The following MFN2 variants were observed in gnomAD, a reference collection of about 807,000 sequenced individuals.
The protein encoded by MFN2 is mitofusin-2.
A neutral mutation model predicts 87.5 loss-of-function variants in MFN2; 43 were observed. The observed-to-expected ratio is 0.49, with a 90% confidence interval of 0.38 to 0.63. MFN2 has a LOEUF of 0.63. Among genes scored for constraint, MFN2 ranks in the 30% least tolerant of loss-of-function variants. The pLI, the probability that MFN2 is intolerant of heterozygous loss-of-function variation, is 0.00. For synonymous variants in MFN2, 337 were observed against 359.9 expected, an observed-to-expected ratio of 0.94 and a Z score of 0.72; for missense variants, 743 against 972.8, an observed-to-expected ratio of 0.76 and a Z score of 3.14.
At chr1:11,985,700 T>C (rs1638371109) in intron 2 of MFN2, among the ~76,000 whole-genome samples, 1 of 152,112 alleles carries the variant, frequency 6.6e-6, no homozygotes, top group Admixed American at 6.6e-5. Flanking sequence ...ACTCCTGACC[T>C]CAGGTGAGCT....
In MFN2 at chr1:11,989,356, C is replaced by T. The variant is rs1457407317; in HGVS notation, c.175+13C>T. The T allele has an allele frequency of 2.5e-6, 4 of 1,613,332 alleles. No individual in the cohort carries two copies. The highest frequency in any genetic ancestry group is 1.7e-6 in the Non-Finnish European group (2 of 1,179,780). Reference sequence around the variant, plus strand: ...ACCTTCCTTGAAGGTAAGGGGGCACCGGCTCAGCCAGGCCCGCTCTTACCT... The same window carrying T: ...ACCTTCCTTGAAGGTAAGGGGGCACTGGCTCAGCCAGGCCCGCTCTTACCT... On this transcript the variant is annotated intron_variant, in intron 3 of 18. Transcript: ENST00000235329.
chr1:12,009,045 C>T (rs552459014), intron 17 of MFN2, among the ~76,000 whole-genome samples: 5 of 152,332 alleles, frequency 3.3e-5, no homozygotes, highest in East Asian at 1.9e-4. Flanking sequence ...CAAAAAAATA[C>T]GAAAACCAGT....
intron 4 of MFN2, among the ~76,000 whole-genome samples, 189 bp from the exon 5 acceptor site, chr1:11,995,967 C>CAGA (rs1202191672): frequency 6.6e-6 from 1 of 152,154 alleles, no homozygotes; most frequent in Non-Finnish European, 1.5e-5. Context: ...AGGGGCATGT[C>CAGA]AGAGGTTTGG....
At chr1:11,984,148 A>G (rs1177662088) in intron 2 of MFN2, among the ~76,000 whole-genome samples, 1 of 152,140 alleles carries the variant, frequency 6.6e-6, no homozygotes, top group African/African-American at 2.4e-5. Flanking sequence ...TTGGTTTTAT[A>G]TCTCCTGGGC....
At chr1:11,988,351 C>T (rs951960719) in intron 2 of MFN2, among the ~76,000 whole-genome samples, 2 of 151,496 alleles carry the variant, frequency 1.3e-5, no homozygotes, top group Non-Finnish European at 2.9e-5. Context: ...GATCCACTTG[C>T]CTCAGCCTCC....
chr1:11,998,708 T>G (rs1167259943), intron 6 of MFN2, 62 bp from the exon 7 acceptor site: 10 of 1,485,294 alleles, frequency 6.7e-6, no homozygotes, highest in Non-Finnish European at 9.4e-6. Context: ...AGGTCTGTTC[T>G]CAGCAGGAAG....
intron 2 of MFN2, among the ~76,000 whole-genome samples, chr1:11,987,631 G>GAA (rs1178594729): frequency 1.5e-5 from 2 of 137,332 alleles, no homozygotes; most frequent in Non-Finnish European, 1.6e-5. Flanking sequence ...CTCTGTCTCA[G>GAA]AAAAAAAAAA....
Position 12,002,080 on chromosome 1 carries a change from G to A in MFN2, c.1137G>A (p.Leu379=). 2 of 1,614,240 alleles carry A rather than the reference G, an allele frequency of 1.2e-6. No homozygotes were observed. Among genetic ancestry groups the A allele is most frequent in the Non-Finnish European group, 1.7e-6 (2 of 1,180,042 alleles). The change falls in exon 11 of 19, where the codon CTG becomes CTA. Residue 379 remains leucine, a synonymous_variant. Coordinates refer to ENST00000235329, the MANE Select transcript of MFN2 (RefSeq NM_014874.4). ...AEAVRLIMDS[L]HMAAREQQVY... is the part of the protein sequence containing the mutation. ...CGGTTCGACTCATCATGGACTCCCT[G>A]CACATGGCGGCTCGGGAGCAGCAGT...
At chr1:11,988,600 G>A (rs1638534682) in intron 2 of MFN2, among the ~76,000 whole-genome samples, 1 of 152,030 alleles carries the variant, frequency 6.6e-6, no homozygotes, top group Non-Finnish European at 1.5e-5. Flanking sequence ...GCAGTGGACT[G>A]ATCATAGGTC....
In MFN2 at chr1:12,004,204, TCTC is replaced by T. The variant is rs990117134; in HGVS notation, c.1287+87_1287+89del. ...AGCAGACCTCCTCCTCTTAGGGACT[TCTC>T]AGCCTTTCAGAAGAAAGTTGTGGCC... On this transcript the variant is annotated intron_variant, in intron 12 of 18. Coordinates refer to ENST00000235329, the MANE Select transcript of MFN2 (RefSeq NM_014874.4). The surrounding 1 kb of genome is among the most constrained non-coding windows in gnomAD (Gnocchi z 4.2). The T allele has an allele frequency of 3.2e-6, 5 of 1,550,946 alleles. No homozygotes were observed. In the African/African-American group the frequency reaches 6.8e-5, roughly 21 times the overall value.
At chr1:11,997,506 G>A in intron 6 of MFN2, 85 bp downstream of exon 6, 1 of 1,577,440 alleles carries the variant, frequency 6.3e-7, no homozygotes, top group South Asian at 1.1e-5. Context: ...GGGTCCCTGG[G>A]CCCCATCCTT....
At chr1:11,983,962 G>A (rs2100787193) in intron 2 of MFN2, among the ~76,000 whole-genome samples, 1 of 152,306 alleles carries the variant, frequency 6.6e-6, no homozygotes, top group South Asian at 2.1e-4. Context: ...AGAGTTTGGA[G>A]GGGTTGACAG....
chr1:12,004,587 C>A lies in MFN2; in HGVS notation c.1366C>A (p.Pro456Thr), dbSNP rs772083521. The change falls in exon 13 of 19, where the codon CCA becomes ACA. Residue 456 changes from proline (P) to threonine (T), a missense_variant. By Grantham distance (38) the Pro-to-Thr change is conservative. Around this residue, in one of 3 missense-constraint regions of MFN2, gnomAD observed 571 missense variants for 670.7 expected, o/e 0.85. Transcript: ENST00000235329. The surrounding 1 kb of genome is among the most constrained non-coding windows in gnomAD (Gnocchi z 4.2). Reference sequence around the variant, plus strand: ...TTACCAGATGGACTTCCACCCTTCTCCAGTAGTCCTCAAGGTTTATAAGAA... The same window carrying A: ...TTACCAGATGGACTTCCACCCTTCTACAGTAGTCCTCAAGGTTTATAAGAA... ...DDYQMDFHPS[P>T]VVLKVYKNEL... The A allele has an allele frequency of 1.9e-6, 3 of 1,614,148 alleles. No homozygotes were observed. Among genetic ancestry groups the A allele is most frequent in the Non-Finnish European group, 2.5e-6 (3 of 1,180,004 alleles).
At chr1:11,990,015 A>G (rs930137963) in intron 3 of MFN2, among the ~76,000 whole-genome samples, 9 of 152,232 alleles carry the variant, frequency 5.9e-5, no homozygotes, top group African/African-American at 2.2e-4. Flanking sequence ...GTGGAGACCC[A>G]GTAACTGAGT....
chr1:11,987,629 CAGAAA>C, intron 2 of MFN2, among the ~76,000 whole-genome samples: 1 of 134,836 alleles, frequency 7.4e-6, no homozygotes, highest in South Asian at 2.4e-4. Context: ...GACTCTGTCT[CAGAAA>C]AAAAAAAAAA....
In MFN2 at chr1:11,993,136, C is replaced by G. The variant is rs574342801; in HGVS notation, c.311+446C>G. On this transcript the variant is annotated intron_variant, in intron 4 of 18. Coordinates refer to ENST00000235329, the MANE Select transcript of MFN2 (RefSeq NM_014874.4). Reference sequence around the variant, plus strand: ...ATTATAGCCATTAAACAATAACTCCCTGTCCCACATGTCCCTTGCCCTGGC... The same window carrying G: ...ATTATAGCCATTAAACAATAACTCCGTGTCCCACATGTCCCTTGCCCTGGC... Among the ~76,000 whole-genome samples the G allele has an allele frequency of 2.9e-4, 44 of 152,250 alleles. 2 individuals carry two copies. The South Asian group carries it at 8.7e-3, about 30-fold the overall frequency.
chr1:12,002,453 G>A (rs1569855763), intron 11 of MFN2, among the ~76,000 whole-genome samples: 1 of 152,376 alleles, frequency 6.6e-6, no homozygotes, highest in East Asian at 1.9e-4. Flanking sequence ...CAACACTTTG[G>A]GAGACCAAGG....
At chr1:11,998,162 A>G (rs574739240) in intron 6 of MFN2, among the ~76,000 whole-genome samples, 39 of 151,734 alleles carry the variant, frequency 2.6e-4, no homozygotes, top group South Asian at 6.3e-4. Context: ...GATTACGGGC[A>G]TGAGCCACTG....
chr1:12,008,366 C>G (rs1336456897), intron 17 of MFN2, among the ~76,000 whole-genome samples: 1 of 148,116 alleles, frequency 6.8e-6, no homozygotes, highest in South Asian at 2.1e-4. Flanking sequence ...GGGCGGCGGC[C>G]GGGCGGAGGC....
Sources: allele counts gnomAD v4.1 joint callset (sites outside exome capture counted in the v4.1 genomes callset), GRCh38; gene constraint gnomAD v4.1.1; regional missense constraint gnomAD v4.1.1; non-coding constraint Gnocchi (gnomAD v3.1); transcripts MANE v1.5; gene names NCBI Gene and HGNC (gene_info 2026-07-23, HGNC 2026-07-21).